ZNF257: variants seen among roughly 807,000 people sequenced by gnomAD.
The protein encoded by ZNF257 is zinc finger protein 257.
A neutral mutation model predicts 11.9 loss-of-function variants in ZNF257; 12 were observed. The observed-to-expected ratio is 1.01, with a 90% confidence interval of 0.65 to 1.63. The LOEUF (loss-of-function observed/expected upper bound fraction) is 1.63, where lower values mean the gene tolerates loss of function less well. Among genes scored for constraint, ZNF257 ranks in the 40% most tolerant of loss-of-function variants. The pLI, the probability that ZNF257 is intolerant of heterozygous loss-of-function variation, is 0.00. For missense variants in ZNF257, 580 were observed against 665.5 expected, an observed-to-expected ratio of 0.87 and a Z score of 1.41; for synonymous variants, 183 against 222.7, an observed-to-expected ratio of 0.82 and a Z score of 1.59.
chr19:22,089,559 C>T lies in ZNF257; in HGVS notation c.*117C>T. The T allele has an allele frequency of 6.8e-7, 1 of 1,476,476 alleles. No homozygotes were observed. Among genetic ancestry groups the T allele is most frequent in the Non-Finnish European group, 8.9e-7 (1 of 1,119,090 alleles). The allele number at this position is 1,476,476 out of a possible 1,614,324, so 91.5% of individuals were successfully genotyped here. ...ACCCTACAAATGTGAAGAACGTGGC[C>T]TGGCTTTTAACAAATCCTCAACATT... is the stretch of plus-strand genomic sequence containing the variant. On this transcript the variant is annotated 3_prime_UTR_variant, in exon 4 of 4. Coordinates refer to ENST00000594947, the MANE Select transcript of ZNF257 (RefSeq NM_033468.4).
Position 22,053,338 on chromosome 19 carries a change from A to G in ZNF257, c.3+703A>G, listed in dbSNP as rs940804380. Among the ~76,000 whole-genome samples the G allele has an allele frequency of 3.9e-5, 5 of 129,786 alleles. No homozygotes were observed. The Admixed American group carries it at 3.9e-4, about 10-fold the overall frequency. The allele number at this position is 129,786 out of a possible 152,430, so 85.1% of individuals were successfully genotyped here. A position where few individuals can be genotyped will look rare whatever the true frequency, so the allele number is the denominator to read the frequency against. On this transcript the variant is annotated intron_variant, in intron 1 of 3. Coordinates refer to ENST00000594947, the MANE Select transcript of ZNF257 (RefSeq NM_033468.4). ...AGCCGAGATGGCGCCACTGCACTCC[A>G]GCCTGAAGACAGAGCGAGACTCCGT...
At chr19:22,060,293 A>G (rs1481219818) in intron 1 of ZNF257, among the ~76,000 whole-genome samples, 2 of 152,178 alleles carry the variant, frequency 1.3e-5, no homozygotes, top group Non-Finnish European at 2.9e-5. Flanking sequence ...CATTCCTTTT[A>G]CAACCTTATC....
At chr19:22,082,660 C>G (rs1312342347) in intron 3 of ZNF257, among the ~76,000 whole-genome samples, 2 of 152,092 alleles carry the variant, frequency 1.3e-5, no homozygotes, top group South Asian at 2.1e-4. Flanking sequence ...CAAGTAAACT[C>G]TGTATTACTT....
At chr19:22,067,980 A>G (rs1401739418) in intron 1 of ZNF257, among the ~76,000 whole-genome samples, 1 of 151,984 alleles carries the variant, frequency 6.6e-6, no homozygotes, top group East Asian at 1.9e-4. Context: ...CTATAACTTA[A>G]GCTGTAAACC....
Position 22,089,224 on chromosome 19 carries a change from T to C in ZNF257, c.1474T>C (p.Cys492Arg). Residue 492 changes from cysteine to arginine, a missense_variant, in exon 4 of 4, where the codon TGT becomes CGT. Physicochemically the swap from Cys to Arg is radical, Grantham distance 180. Coordinates refer to ENST00000594947, the MANE Select transcript of ZNF257 (RefSeq NM_033468.4). ...TGEKPYKCEE[C>R]GKAFNRSSHL... ...GGAGAAGCCCTACAAATGTGAAGAATGTGGCAAAGCCTTTAACCGGTCTTC... is the reference window on the plus strand; with the variant it reads ...GGAGAAGCCCTACAAATGTGAAGAACGTGGCAAAGCCTTTAACCGGTCTTC... The C allele has an allele frequency of 6.2e-7, 1 of 1,613,796 alleles. No homozygotes were observed. The highest frequency in any genetic ancestry group is 8.5e-7 in the Non-Finnish European group (1 of 1,179,864).
At position 22,073,545 on chromosome 19, in the gene ZNF257, G is replaced by A. The variant is rs10423157; in HGVS notation, c.207G>A (p.Glu69=). Reference sequence around the variant, plus strand: ...AGCCCTGTAATATGAAGAGACATGAGATGGTAGCCAAACCCCCAGGTAGGT... The same window carrying A: ...AGCCCTGTAATATGAAGAGACATGAAATGGTAGCCAAACCCCCAGGTAGGT... ...GKEPCNMKRH[E]MVAKPPVMCS... is the part of the protein sequence containing the mutation. Residue 69 remains glutamate, a synonymous_variant, in exon 3 of 4, where the codon GAG becomes GAA. Transcript: ENST00000594947. The A allele has an allele frequency of 0.019, 31,152 of 1,611,052 alleles. 5,251 individuals are homozygous for A. The African/African-American group carries it at 0.37, about 19-fold the overall frequency.
intron 1 of ZNF257, among the ~76,000 whole-genome samples, chr19:22,071,663 T>C (rs1368766230): frequency 6.6e-6 from 1 of 152,144 alleles, no homozygotes; most frequent in Admixed American, 6.5e-5. Flanking sequence ...ATATGTTTTT[T>C]CCCATATACC....
At chr19:22,080,012 CT>C (rs1388737095) in intron 3 of ZNF257, among the ~76,000 whole-genome samples, 22 of 152,208 alleles carry the variant, frequency 1.4e-4, no homozygotes, top group African/African-American at 5.1e-4. Flanking sequence ...CAGGATCTTA[CT>C]CTGTCACCTA....
chr19:22,052,535 T>C lies in ZNF257; in HGVS notation c.-98T>C. 3 of 1,442,750 alleles carry C rather than the reference T, an allele frequency of 2.1e-6. No individual in the cohort carries two copies. Among genetic ancestry groups the C allele is most frequent in the Non-Finnish European group, 2.9e-6 (3 of 1,037,644 alleles). The allele number at this position is 1,442,750 out of a possible 1,614,324, so 89.4% of individuals were successfully genotyped here. Reference sequence around the variant, plus strand: ...TGCAGGTCTCGTCTTCCCTGGTCTGTGTCCTCTTCTCCTAGGGGCCCAGCC... The same window carrying C: ...TGCAGGTCTCGTCTTCCCTGGTCTGCGTCCTCTTCTCCTAGGGGCCCAGCC... On this transcript the variant is annotated 5_prime_UTR_variant, in exon 1 of 4. Transcript: ENST00000594947.
intron 3 of ZNF257, among the ~76,000 whole-genome samples, chr19:22,078,678 A>C (rs942445643): frequency 5.3e-5 from 8 of 152,058 alleles, no homozygotes; most frequent in Non-Finnish European, 1.0e-4. Context: ...CTATATTTCT[A>C]AAAAATTGGT....
intron 3 of ZNF257, among the ~76,000 whole-genome samples, chr19:22,085,532 A>G (rs928993900): frequency 1.3e-5 from 2 of 150,386 alleles, no homozygotes; most frequent in African/African-American, 4.9e-5. Flanking sequence ...CTTCAAGTCC[A>G]CTGTTTCCTT....
chr19:22,072,237 T>C (rs958576084), intron 1 of ZNF257, among the ~76,000 whole-genome samples: 2 of 152,176 alleles, frequency 1.3e-5, no homozygotes, highest in African/African-American at 4.8e-5. Flanking sequence ...GTTATTTTTC[T>C]TTTCATTATA....
intron 3 of ZNF257, among the ~76,000 whole-genome samples, chr19:22,078,398 A>T (rs952926836): frequency 6.6e-6 from 1 of 151,918 alleles, no homozygotes; most frequent in African/African-American, 2.4e-5. Flanking sequence ...ATTTTGTTCA[A>T]TTATTTGACC....
intron 1 of ZNF257, among the ~76,000 whole-genome samples, chr19:22,054,793 T>C (rs1478925129): frequency 3.3e-5 from 5 of 152,162 alleles, no homozygotes; most frequent in Non-Finnish European, 7.3e-5. Context: ...TGAGGTGAGA[T>C]GTCTTCACCC....
chr19:22,062,062 AT>A (rs57092171), intron 1 of ZNF257, among the ~76,000 whole-genome samples: 32,069 of 139,642 alleles, frequency 0.23, 3,986 homozygotes, highest in South Asian at 0.43. Context: ...TTTGCTGAGG[AT>A]TTTTTTTTTT....
At chr19:22,078,811 A>T (rs1320966467) in intron 3 of ZNF257, among the ~76,000 whole-genome samples, 15 of 96,394 alleles carry the variant, frequency 1.6e-4, no homozygotes, top group Admixed American at 3.3e-4. Flanking sequence ...TTTTTTTTTG[A>T]GACGGAGTTT....
At chr19:22,063,062 GAGTCTTGGCAGGATATATTTGTGTTC>G (rs1482228839) in intron 1 of ZNF257, among the ~76,000 whole-genome samples, 25 of 152,196 alleles carry the variant, frequency 1.6e-4, no homozygotes, top group African/African-American at 5.8e-4. Context: ...CTTTTGTGTG[GAGTCTTGGCAGGATATATTTGTGTTC>G]AGTCTTGGCA....
Position 22,089,692 on chromosome 19 carries a change from G to T in ZNF257, c.*250G>T. On this transcript the variant is annotated 3_prime_UTR_variant, in exon 4 of 4. Coordinates refer to ENST00000594947, the MANE Select transcript of ZNF257 (RefSeq NM_033468.4). ...CTTACTAAACATGAGAACACATGTG[G>T]AAGATAAAGCCTACAAATATGAAGA... 2.2e-6 allele frequency: 2 copies of T among 889,722 alleles called. No individual in the cohort carries two copies. Among genetic ancestry groups the T allele is most frequent in the Non-Finnish European group, 3.2e-6 (2 of 632,498 alleles). 55.1% of individuals were successfully genotyped at this position (889,722 alleles called of 1,614,324 possible). A position where few individuals can be genotyped will look rare whatever the true frequency, so the allele number is the denominator to read the frequency against.
intron 3 of ZNF257, among the ~76,000 whole-genome samples, chr19:22,081,204 T>TACAC (rs2022352436): frequency 6.6e-6 from 1 of 151,948 alleles, no homozygotes; most frequent in Non-Finnish European, 1.5e-5. Flanking sequence ...TGTATACATA[T>TACAC]ATATGTTATA....
Sources: gnomAD v4.1 joint callset for allele counts (sites outside exome capture counted in the v4.1 genomes callset) on GRCh38, gnomAD v4.1.1 for gene constraint, MANE v1.5 for transcripts, NCBI Gene and HGNC (gene_info 2026-07-23, HGNC 2026-07-21) for gene names.